POT1: variants seen among roughly 807,000 people sequenced by gnomAD.
POT1 encodes the protein protection of telomeres protein 1.
A neutral mutation model predicts 78.5 loss-of-function variants in POT1; 47 were observed. The ratio of observed to expected loss-of-function variants is 0.60; its 90% CI spans 0.47 to 0.76. The LOEUF is 0.76. Among genes scored for constraint, POT1 ranks in the 30% least tolerant of loss-of-function variants. The pLI is 0.00. For missense variants in POT1, 646 were observed against 749.9 expected (o/e 0.86, Z 1.62); for synonymous variants, 259 against 260.7 (o/e 0.99, Z 0.06).
rs1230015941 is a variant in POT1, at chr7:124,863,637, G to GA, written c.258dup (p.Gln87SerfsTer4). On this transcript the variant is annotated frameshift_variant, in exon 8 of 19. Transcript: ENST00000357628. LOFTEE classifies it high-confidence loss of function. Reference sequence around the variant, plus strand: ...CCCTGAGTCTCCTTTTTATATACTTGAATCTAAGAAAGTAGGGCAAAGTAG... The same window carrying GA: ...CCCTGAGTCTCCTTTTTATATACTTGAAATCTAAGAAAGTAGGGCAAAGTAG... The GA allele has an allele frequency of 6.2e-7, 1 of 1,604,818 alleles. No homozygotes were observed. The highest frequency in any genetic ancestry group is 8.5e-7 in the Non-Finnish European group (1 of 1,176,486).
At position 124,843,538 on chromosome 7, in the gene POT1, T is replaced by C. The variant is rs1584758855; in HGVS notation, c.1007-575A>G. 2.0e-5 allele frequency among the ~76,000 whole-genome samples: 3 copies of C among 151,278 alleles called. No homozygotes were observed. In the East Asian group the frequency reaches 5.8e-4, roughly 29 times the overall value. On this transcript the variant is annotated intron_variant, in intron 12 of 18. Coordinates refer to ENST00000357628, the MANE Select transcript of POT1 (RefSeq NM_015450.3). ...AGTGGAGGAGGAGGGAGAGGAAAAA[T>C]AAGAGGAAGTTGAGTCAAACTGGAA...
chr7:124,917,837 G>A (rs1797054831), intron 2 of POT1, among the ~76,000 whole-genome samples: 1 of 152,116 alleles, frequency 6.6e-6, no homozygotes, highest in East Asian at 1.9e-4. Flanking sequence ...AAGCATGTAG[G>A]AAGACACTCC....
chr7:124,881,644 G>C (rs1385552001), intron 6 of POT1, among the ~76,000 whole-genome samples: 3 of 151,956 alleles, frequency 2.0e-5, no homozygotes, highest in Non-Finnish European at 4.4e-5. Flanking sequence ...CTCCAAGGAA[G>C]TGAAGTGTTT....
Position 124,842,877 on chromosome 7 carries a change from T to C in POT1, c.1093A>G (p.Lys365Glu), listed in dbSNP as rs762011062. 6.2e-7 allele frequency: 1 copy of C among 1,611,420 alleles called. No homozygotes were observed. The highest frequency in any genetic ancestry group is 1.1e-5 in the South Asian group (1 of 90,458). Residue 365 changes from lysine (K) to glutamate (E), a missense_variant, in exon 13 of 19, where the codon AAA (lysine) becomes GAA (glutamate). Physicochemically the swap from Lys to Glu is moderately conservative, Grantham distance 56 (BLOSUM62 1). Coordinates refer to ENST00000357628, the MANE Select transcript of POT1 (RefSeq NM_015450.3). ...CTTCTGGGCTTATATGACCTCAATT[T>C]TGCTCGGATGCGGTATTGTTGAGGA... is the stretch of plus-strand genomic sequence containing the variant. ...KAPQQYRIRA[K>E]LRSYKPRRLF...
intron 12 of POT1, among the ~76,000 whole-genome samples, chr7:124,843,757 T>C (rs138310879): frequency 1.4e-3 from 211 of 152,332 alleles, no homozygotes; most frequent in African/African-American, 4.9e-3. Context: ...TCATGTGTTT[T>C]AGAAAAGGGA....
intron 15 of POT1, among the ~76,000 whole-genome samples, chr7:124,831,429 T>A (rs1415111957): frequency 6.6e-6 from 1 of 152,134 alleles, no homozygotes; most frequent in Non-Finnish European, 1.5e-5. Context: ...CACATACAAT[T>A]GAAATGAAAG....
At chr7:124,880,817 T>A (rs1796099725) in intron 6 of POT1, among the ~76,000 whole-genome samples, 2 of 94,814 alleles carry the variant, frequency 2.1e-5, no homozygotes, top group African/African-American at 8.5e-5. Flanking sequence ...TAAACAATTT[T>A]ACAGAGGAAC....
intron 11 of POT1, among the ~76,000 whole-genome samples, chr7:124,850,006 C>T (rs1013116875): frequency 3.9e-5 from 6 of 151,974 alleles, no homozygotes; most frequent in Non-Finnish European, 8.8e-5. Flanking sequence ...ATAGTGAAAG[C>T]TATTCAACTG....
chr7:124,845,625 A>G (rs1398602232), intron 12 of POT1, among the ~76,000 whole-genome samples: 1 of 152,148 alleles, frequency 6.6e-6, no homozygotes, highest in African/African-American at 2.4e-5. Context: ...GAAAATGTAA[A>G]TATCTTATTT....
intron 18 of POT1, among the ~76,000 whole-genome samples, chr7:124,824,713 T>C (rs903428662): frequency 6.6e-6 from 1 of 152,088 alleles, no homozygotes; most frequent in Non-Finnish European, 1.5e-5. Context: ...AGTACAAATA[T>C]AGTCACAGAA....
At chr7:124,897,031 T>C (rs988383746) in intron 5 of POT1, 134 bp downstream of exon 5, 11 of 452,448 alleles carry the variant, frequency 2.4e-5, no homozygotes, top group Middle Eastern at 4.8e-4. Flanking sequence ...GTAAAGATTA[T>C]GTTTTTCCAG....
chr7:124,913,228 T>A (rs1796933870), intron 3 of POT1, among the ~76,000 whole-genome samples: 1 of 152,156 alleles, frequency 6.6e-6, no homozygotes, highest in African/African-American at 2.4e-5. Context: ...GAGATGTGGG[T>A]GGGGACACAG....
At chr7:124,920,295 G>A (rs923677340) in intron 2 of POT1, among the ~76,000 whole-genome samples, 1 of 152,042 alleles carries the variant, frequency 6.6e-6, no homozygotes, top group Non-Finnish European at 1.5e-5. Context: ...AATGTTATAC[G>A]TATCATAGTA....
chr7:124,927,623 T>C (rs1260277679), intron 2 of POT1, among the ~76,000 whole-genome samples: 2 of 152,170 alleles, frequency 1.3e-5, no homozygotes, highest in Non-Finnish European at 2.9e-5. Context: ...CACTGACTCC[T>C]TCAACATGGT....
At chr7:124,845,660 G>A (rs1795145972) in intron 12 of POT1, among the ~76,000 whole-genome samples, 1 of 151,452 alleles carries the variant, frequency 6.6e-6, no homozygotes, top group African/African-American at 2.4e-5. Context: ...TGATAGTTTA[G>A]AATCCACAGA....
intron 5 of POT1, chr7:124,892,635 C>T (rs1048844381): frequency 4.3e-6 from 1 of 233,610 alleles, no homozygotes; most frequent in Non-Finnish European, 8.2e-6. Context: ...AAACATTATA[C>T]TTCTTCAATA....
intron 8 of POT1, among the ~76,000 whole-genome samples, chr7:124,861,153 C>G (rs1795586548): frequency 6.6e-6 from 1 of 152,254 alleles, no homozygotes; most frequent in East Asian, 1.9e-4. Flanking sequence ...AACAGTATTT[C>G]TGGTTTTAGA....
intron 16 of POT1, 31 bp from the exon 17 acceptor site, chr7:124,827,336 G>A: frequency 7.8e-7 from 1 of 1,284,260 alleles, no homozygotes. Flanking sequence ...CAAACCATAT[G>A]AGTCTGCTAT....
intron 14 of POT1, among the ~76,000 whole-genome samples, chr7:124,838,666 C>A (rs1419566568): frequency 2.6e-5 from 4 of 151,706 alleles, no homozygotes. Flanking sequence ...AGTGCAATGG[C>A]GCGATCTCGG....
Sources: gnomAD v4.1 joint callset for allele counts (sites outside exome capture counted in the v4.1 genomes callset) on GRCh38, gnomAD v4.1.1 for gene constraint, MANE v1.5 for transcripts, NCBI Gene and HGNC (gene_info 2026-07-23, HGNC 2026-07-21) for gene names.